The following SLC8A3 variants were observed in gnomAD, a reference collection of about 807,000 sequenced individuals.
SLC8A3 encodes solute carrier family 8 member A3.
In SLC8A3, 37 loss-of-function variants were observed where a neutral mutation model predicts 65.4. The observed-to-expected ratio is 0.57, with a 90% CI of 0.44 to 0.74. SLC8A3 has a LOEUF of 0.74. SLC8A3 is among the 30% of genes least tolerant of loss of function. The pLI is 0.00. For synonymous variants in SLC8A3, 461 were observed against 444.5 expected, an observed-to-expected ratio of 1.04 and a Z score of -0.47; for missense variants, 1,112 against 1,172.1, an observed-to-expected ratio of 0.95 and a Z score of 0.75.
chr14:70,067,374 T>C (rs1889545891), intron 2 of SLC8A3, among the ~76,000 whole-genome samples: 1 of 152,210 alleles, frequency 6.6e-6, no homozygotes. Context: ...AGAGAACTTG[T>C]CTTTTTTCAA....
At chr14:70,092,614 C>T (rs1376966349) in intron 2 of SLC8A3, among the ~76,000 whole-genome samples, 1 of 152,196 alleles carries the variant, frequency 6.6e-6, no homozygotes, top group Non-Finnish European at 1.5e-5. Flanking sequence ...TAGCCTATCT[C>T]TCCCACAGAA....
At chr14:70,064,546 G>A (rs1022182553) in intron 2 of SLC8A3, among the ~76,000 whole-genome samples, 3 of 150,820 alleles carry the variant, frequency 2.0e-5, no homozygotes, top group African/African-American at 7.3e-5. Flanking sequence ...GTCGGGGGTG[G>A]TGGTGGCGGC....
chr14:70,062,089 T>C (rs1005176589), intron 2 of SLC8A3, among the ~76,000 whole-genome samples: 2 of 109,458 alleles, frequency 1.8e-5, no homozygotes, highest in Non-Finnish European at 3.7e-5. Context: ...TTTTCTGCTT[T>C]CTTTTTCTTT....
intron 2 of SLC8A3, among the ~76,000 whole-genome samples, chr14:70,137,786 CTT>C (rs36057761): frequency 5.3e-5 from 7 of 132,212 alleles, no homozygotes; most frequent in African/African-American, 2.0e-4. Flanking sequence ...CTGGTGGTGC[CTT>C]TTTTTTTTTT....
chr14:70,165,286 C>T (rs1368314640), intron 2 of SLC8A3, among the ~76,000 whole-genome samples: 3 of 152,214 alleles, frequency 2.0e-5, no homozygotes, highest in Admixed American at 1.3e-4. Flanking sequence ...AGTTCTGTCA[C>T]CAGCAGTGCC....
chr14:70,140,391 G>C (rs1895485755), intron 2 of SLC8A3, among the ~76,000 whole-genome samples: 2 of 152,168 alleles, frequency 1.3e-5, no homozygotes, highest in African/African-American at 4.8e-5. Flanking sequence ...CAGAGGGTAA[G>C]AGGTAAAATA....
intron 2 of SLC8A3, among the ~76,000 whole-genome samples, chr14:70,140,853 T>C (rs989086515): frequency 1.3e-5 from 2 of 152,218 alleles, no homozygotes; most frequent in African/African-American, 2.4e-5. Flanking sequence ...CTTTTGCATA[T>C]TGTTAGTTTC....
intron 2 of SLC8A3, among the ~76,000 whole-genome samples, chr14:70,136,054 G>A (rs1298744744): frequency 1.3e-5 from 2 of 151,676 alleles, no homozygotes; most frequent in Non-Finnish European, 2.9e-5. Context: ...ATAAATAAAT[G>A]AATAAATAAA....
At chr14:70,082,306 TG>T (rs1023335103) in intron 2 of SLC8A3, among the ~76,000 whole-genome samples, 6 of 152,198 alleles carry the variant, frequency 3.9e-5, no homozygotes, top group African/African-American at 1.4e-4. Context: ...CCTACTTAGC[TG>T]AAGCTTTTAG....
At chr14:70,173,298 G>A (rs769205341) in intron 1 of SLC8A3, among the ~76,000 whole-genome samples, 20 of 152,134 alleles carry the variant, frequency 1.3e-4, no homozygotes, top group Non-Finnish European at 2.9e-4. Flanking sequence ...GTGGGCCTGG[G>A]TAGATTCTGC....
intron 2 of SLC8A3, among the ~76,000 whole-genome samples, chr14:70,123,001 G>A (rs1894182720): frequency 6.6e-6 from 1 of 151,512 alleles, no homozygotes; most frequent in African/African-American, 2.4e-5. Flanking sequence ...GAACCCAGGA[G>A]GCGGAGCTTG....
intron 2 of SLC8A3, among the ~76,000 whole-genome samples, chr14:70,082,329 C>T (rs532084062): frequency 1.3e-5 from 2 of 152,156 alleles, no homozygotes; most frequent in South Asian, 2.1e-4. Flanking sequence ...TAATCCAGCA[C>T]CAGGTAGGTG....
intron 2 of SLC8A3, among the ~76,000 whole-genome samples, chr14:70,163,122 A>G (rs1306654523): frequency 1.3e-5 from 2 of 152,250 alleles, no homozygotes; most frequent in African/African-American, 2.4e-5. Flanking sequence ...CATAGCAAAT[A>G]TCTAACAAAT....
chr14:70,088,296 A>G (rs547884566), intron 2 of SLC8A3, among the ~76,000 whole-genome samples: 31 of 152,324 alleles, frequency 2.0e-4, no homozygotes, highest in African/African-American at 7.2e-4. Context: ...GTCCCTTGAG[A>G]ATAGAATTCA....
At chr14:70,072,195 G>A (rs1393889872) in intron 2 of SLC8A3, among the ~76,000 whole-genome samples, 1 of 152,202 alleles carries the variant, frequency 6.6e-6, no homozygotes, top group African/African-American at 2.4e-5. Flanking sequence ...CAGCCCATGG[G>A]TACTCCTCTG....
At chr14:70,112,051 C>A (rs1026592368) in intron 2 of SLC8A3, among the ~76,000 whole-genome samples, 2 of 152,176 alleles carry the variant, frequency 1.3e-5, no homozygotes, top group African/African-American at 4.8e-5. Flanking sequence ...AGGGTAGAGG[C>A]ATGTTCCCTC....
intron 2 of SLC8A3, among the ~76,000 whole-genome samples, chr14:70,137,937 T>C (rs886497367): frequency 3.3e-5 from 5 of 152,122 alleles, no homozygotes; most frequent in Admixed American, 2.6e-4. Context: ...CTCATTCCCA[T>C]GTCAGGCAAT....
At chr14:70,060,562 G>A (rs1888670398) in intron 3 of SLC8A3, 2 of 567,944 alleles carry the variant, frequency 3.5e-6, no homozygotes, top group Non-Finnish European at 6.6e-6. Context: ...GTAATGAGGA[G>A]TTGAGGCTGC....
At chr14:70,050,622 C>T (rs1028701420) in intron 5 of SLC8A3, among the ~76,000 whole-genome samples, 5 of 152,028 alleles carry the variant, frequency 3.3e-5, no homozygotes, top group Non-Finnish European at 7.4e-5. Flanking sequence ...AGAATTGTCC[C>T]ACATTTTACA....
Sources: gnomAD v4.1 joint callset for allele counts (sites outside exome capture counted in the v4.1 genomes callset) on GRCh38, gnomAD v4.1.1 for gene constraint, MANE v1.5 for transcripts, NCBI Gene and HGNC (gene_info 2026-07-23, HGNC 2026-07-21) for gene names.